CSMD1: variants seen among roughly 807,000 people sequenced by gnomAD.
CSMD1 encodes CUB and sushi domain-containing protein 1.
Under a neutral mutation model 417.5 loss-of-function variants are expected in CSMD1, and 213 were observed. The observed-to-expected ratio is 0.51, with a 90% confidence interval of 0.46 to 0.57. CSMD1 has a LOEUF of 0.57. CSMD1 is among the 20% of genes least tolerant of loss of function. CSMD1 has a pLI of 0.00. For synonymous variants in CSMD1, 2,862 were observed against 1,736.8 expected, an observed-to-expected ratio of 1.65 and a Z score of -16.11; for missense variants, 6,923 against 4,529.7, an observed-to-expected ratio of 1.53 and a Z score of -15.17.
intron 7 of CSMD1, among the ~76,000 whole-genome samples, chr8:3,665,805 A>T (rs921080404): frequency 6.6e-6 from 1 of 152,182 alleles, no homozygotes; most frequent in African/African-American, 2.4e-5. Flanking sequence ...GAGCACCCCT[A>T]GGAATCTCTT....
intron 3 of CSMD1, among the ~76,000 whole-genome samples, chr8:4,395,582 G>A (rs1233443732): frequency 6.6e-6 from 1 of 151,898 alleles, no homozygotes; most frequent in East Asian, 1.9e-4. Context: ...AGGCCAAGAG[G>A]AGGATAGATT....
At chr8:4,994,009 C>G (rs575941351) in intron 1 of CSMD1, among the ~76,000 whole-genome samples, 2 of 152,292 alleles carry the variant, frequency 1.3e-5, no homozygotes, top group South Asian at 4.1e-4. Context: ...GGCAACACCG[C>G]CCCGGCGGAG....
chr8:4,908,967 G>A (rs923237468), intron 1 of CSMD1, among the ~76,000 whole-genome samples: 9 of 152,106 alleles, frequency 5.9e-5, no homozygotes, highest in Non-Finnish European at 1.2e-4. Context: ...CTTGCCTTTA[G>A]CATGCCCCGT....
At chr8:4,932,561 G>A (rs1413046442) in intron 1 of CSMD1, among the ~76,000 whole-genome samples, 4 of 152,194 alleles carry the variant, frequency 2.6e-5, no homozygotes, top group Non-Finnish European at 5.9e-5. Context: ...TGTGACGTGT[G>A]CTCTTGTCTT....
In CSMD1 at chr8:3,568,662, CCT is replaced by C. The variant is rs781016514; in HGVS notation, c.1344+6281_1344+6282del. 1.2e-3 allele frequency among the ~76,000 whole-genome samples: 175 copies of C among 151,968 alleles called. 1 individual carries two copies. The highest frequency in any genetic ancestry group is 2.2e-3 in the Non-Finnish European group (150 of 67,974). ...AGAAACTTTTAACTTAGAACACACACCTCTCATTCCAGCTGATATACTGTATA... is the reference window on the plus strand; with the variant it reads ...AGAAACTTTTAACTTAGAACACACACCTCATTCCAGCTGATATACTGTATA... On this transcript the variant is annotated intron_variant, in intron 10 of 69. Coordinates refer to ENST00000635120, the MANE Select transcript of CSMD1 (RefSeq NM_033225.6).
chr8:3,524,972 G>A (rs896467236), intron 10 of CSMD1, among the ~76,000 whole-genome samples: 7 of 152,138 alleles, frequency 4.6e-5, no homozygotes, highest in African/African-American at 9.7e-5. Flanking sequence ...ACACTCATTA[G>A]GCACCCCAGG....
chr8:3,597,748 A>C (rs1801161569), intron 8 of CSMD1, among the ~76,000 whole-genome samples: 1 of 152,054 alleles, frequency 6.6e-6, no homozygotes, highest in Non-Finnish European at 1.5e-5. Context: ...AGAAAACCAA[A>C]CATTGCATGT....
chr8:4,518,175 G>C (rs1433311774), intron 2 of CSMD1, among the ~76,000 whole-genome samples: 1 of 152,092 alleles, frequency 6.6e-6, no homozygotes, highest in Non-Finnish European at 1.5e-5. Context: ...ACAGAGTATG[G>C]CACGAATGAT....
At chr8:3,875,429 G>T (rs1343516555) in intron 5 of CSMD1, among the ~76,000 whole-genome samples, 1 of 152,200 alleles carries the variant, frequency 6.6e-6, no homozygotes, top group Non-Finnish European at 1.5e-5. Context: ...AGTTCCTGCA[G>T]GAGGGAGTGA....
chr8:3,634,028 T>A (rs1796913809), intron 7 of CSMD1, among the ~76,000 whole-genome samples: 1 of 150,250 alleles, frequency 6.7e-6, no homozygotes, highest in Non-Finnish European at 1.5e-5. Flanking sequence ...CTGGGATTAC[T>A]GTCAGTGAAA....
At chr8:3,483,063 G>A (rs941024629) in intron 11 of CSMD1, among the ~76,000 whole-genome samples, 3 of 152,046 alleles carry the variant, frequency 2.0e-5, no homozygotes, top group African/African-American at 7.2e-5. Context: ...CCTACCTCAA[G>A]ATTCTAGCAT....
chr8:3,727,317 G>A (rs1003091422), intron 6 of CSMD1, among the ~76,000 whole-genome samples: 2 of 152,128 alleles, frequency 1.3e-5, no homozygotes, highest in South Asian at 2.1e-4. Context: ...AGAGCCTCCC[G>A]CCTGAACGGT....
intron 18 of CSMD1, among the ~76,000 whole-genome samples, chr8:3,375,868 T>C (rs1499688): frequency 6.6e-6 from 1 of 151,930 alleles, no homozygotes. Flanking sequence ...GACCTCTTTT[T>C]TTCTCTTTGC....
Position 3,771,157 on chromosome 8 carries a change from G to T in CSMD1, c.819-17115C>A, listed in dbSNP as rs372789996. On this transcript the variant is annotated intron_variant, in intron 5 of 69. Coordinates refer to ENST00000635120, the MANE Select transcript of CSMD1 (RefSeq NM_033225.6). ...AAAAATAAAACATTTCAACACACTG[G>T]AATTATGACTTGGTGCACTTTGGGG... Among the ~76,000 whole-genome samples, 12 of 152,110 alleles carry T rather than the reference G, an allele frequency of 7.9e-5. No homozygotes were observed. In the East Asian group the frequency reaches 2.3e-3, roughly 29 times the overall value.
intron 10 of CSMD1, among the ~76,000 whole-genome samples, chr8:3,502,570 G>A (rs1323557373): frequency 1.3e-5 from 2 of 152,100 alleles, no homozygotes; most frequent in South Asian, 2.1e-4. Flanking sequence ...AAACATGGGG[G>A]AAAACTAAAT....
At chr8:4,204,126 T>A (rs1170958894) in intron 3 of CSMD1, among the ~76,000 whole-genome samples, 1 of 152,020 alleles carries the variant, frequency 6.6e-6, no homozygotes, top group Non-Finnish European at 1.5e-5. Flanking sequence ...ACCTAAAACT[T>A]AAAGGATCTG....
chr8:3,523,753 G>A (rs1563119941), intron 10 of CSMD1, among the ~76,000 whole-genome samples: 1 of 146,486 alleles, frequency 6.8e-6, no homozygotes, highest in African/African-American at 2.6e-5. Flanking sequence ...GCATACACAT[G>A]CACACACACA....
intron 2 of CSMD1, among the ~76,000 whole-genome samples, chr8:4,420,280 A>G (rs1455118448): frequency 6.6e-6 from 1 of 152,188 alleles, no homozygotes; most frequent in Admixed American, 6.6e-5. Context: ...ATAACTTGAG[A>G]GAATTTCTTC....
intron 2 of CSMD1, among the ~76,000 whole-genome samples, chr8:4,591,153 G>C (rs1204353932): frequency 3.9e-5 from 6 of 152,204 alleles, no homozygotes; most frequent in Non-Finnish European, 7.3e-5. Flanking sequence ...CTTCAGTTGT[G>C]TGTTGAGTGC....
Sources: allele counts gnomAD v4.1 joint callset (sites outside exome capture counted in the v4.1 genomes callset), GRCh38; gene constraint gnomAD v4.1.1; transcripts MANE v1.5; gene names NCBI Gene and HGNC (gene_info 2026-07-23, HGNC 2026-07-21).